SPAG16: variants seen among roughly 807,000 people sequenced by gnomAD.
SPAG16 encodes the protein sperm-associated antigen 16 protein.
A neutral mutation model predicts 80.4 loss-of-function variants in SPAG16; 86 were observed. The ratio of observed to expected loss-of-function variants is 1.07; its 90% CI spans 0.90 to 1.28. The LOEUF is 1.28. SPAG16 is among the 50% of genes most tolerant of loss of function. SPAG16 has a pLI of 0.00. For missense variants in SPAG16, 870 were observed against 765.3 expected (o/e 1.14, Z -1.61); for synonymous variants, 294 against 265.9 (o/e 1.11, Z -1.03).
chr2:213,827,105 G>A (rs903976955), intron 10 of SPAG16, among the ~76,000 whole-genome samples: 7 of 151,626 alleles, frequency 4.6e-5, no homozygotes, highest in African/African-American at 7.3e-5. Context: ...TTTCTTATAG[G>A]CAACAGATTA....
chr2:213,752,729 C>T (rs2068134735), intron 10 of SPAG16, among the ~76,000 whole-genome samples: 1 of 152,162 alleles, frequency 6.6e-6, no homozygotes, highest in Admixed American at 6.5e-5. Flanking sequence ...TAAAACACAA[C>T]TAATTATACT....
At chr2:213,374,291 C>CATCT (rs1349809213) in intron 8 of SPAG16, among the ~76,000 whole-genome samples, 1 of 152,112 alleles carries the variant, frequency 6.6e-6, no homozygotes, top group Non-Finnish European at 1.5e-5. Context: ...CTTTGTTCAT[C>CATCT]ATCTTTTCTC....
At chr2:213,529,830 T>C (rs2076010314) in intron 10 of SPAG16, among the ~76,000 whole-genome samples, 1 of 152,256 alleles carries the variant, frequency 6.6e-6, no homozygotes, top group Non-Finnish European at 1.5e-5. Context: ...ATATTTTCTT[T>C]CTTTATATCC....
chr2:213,650,034 C>T (rs10197286), intron 10 of SPAG16, among the ~76,000 whole-genome samples: 53,453 of 151,716 alleles, frequency 0.35, 9,800 homozygotes, highest in Middle Eastern at 0.5. Context: ...AAGAAGTTCT[C>T]GAATTTTATT....
intron 11 of SPAG16, among the ~76,000 whole-genome samples, chr2:213,896,645 TTA>T (rs906022832): frequency 5.9e-5 from 8 of 135,220 alleles, no homozygotes; most frequent in African/African-American, 2.0e-4. Context: ...TGATATTCTA[TTA>T]TGTGTGTGTT....
chr2:214,143,475 A>G (rs563664377), intron 14 of SPAG16, among the ~76,000 whole-genome samples: 1 of 152,232 alleles, frequency 6.6e-6, no homozygotes, highest in African/African-American at 2.4e-5. Flanking sequence ...TTGACTCATC[A>G]TATAGTTGTG....
chr2:213,899,678 C>A (rs2077139143), intron 11 of SPAG16, among the ~76,000 whole-genome samples: 1 of 152,040 alleles, frequency 6.6e-6, no homozygotes, highest in Non-Finnish European at 1.5e-5. Context: ...GAAACAGAGG[C>A]ACTATTGCTT....
At chr2:213,802,597 A>G (rs1407678255) in intron 10 of SPAG16, among the ~76,000 whole-genome samples, 2 of 152,212 alleles carry the variant, frequency 1.3e-5, no homozygotes, top group Admixed American at 6.5e-5. Flanking sequence ...AATTCTGAAG[A>G]CAAAGACCAT....
intron 10 of SPAG16, among the ~76,000 whole-genome samples, chr2:213,760,558 AAC>A (rs1232665308): frequency 2.0e-5 from 3 of 152,228 alleles, no homozygotes; most frequent in African/African-American, 7.2e-5. Flanking sequence ...TTAAAAAAAA[AAC>A]AATTAGACCT....
At chr2:213,642,670 A>C (rs2062636175) in intron 10 of SPAG16, among the ~76,000 whole-genome samples, 1 of 59,704 alleles carries the variant, frequency 1.7e-5, no homozygotes, top group Non-Finnish European at 3.3e-5. Context: ...AAATACAAAA[A>C]ATTAGCCGGG....
intron 15 of SPAG16, among the ~76,000 whole-genome samples, chr2:214,375,293 G>T (rs1700060146): frequency 6.6e-6 from 1 of 152,158 alleles, no homozygotes; most frequent in Non-Finnish European, 1.5e-5. Flanking sequence ...AGAAAATGTG[G>T]AAGTTGAAGT....
intron 15 of SPAG16, among the ~76,000 whole-genome samples, chr2:214,318,922 A>G (rs1318341495): frequency 6.6e-6 from 1 of 152,160 alleles, no homozygotes; most frequent in Non-Finnish European, 1.5e-5. Context: ...ATGAGCAACT[A>G]AAAGATGCTA....
intron 10 of SPAG16, among the ~76,000 whole-genome samples, chr2:213,680,599 T>C (rs2064330904): frequency 6.6e-6 from 1 of 152,190 alleles, no homozygotes; most frequent in South Asian, 2.1e-4. Context: ...CGAATATGTG[T>C]AGAGCATCCT....
chr2:213,969,332 ATGGC>A lies in SPAG16; in HGVS notation c.1400+39188_1400+39191del, dbSNP rs368880180. Among the ~76,000 whole-genome samples the A allele has an allele frequency of 1.6e-4, 24 of 152,306 alleles. 1 individual carries two copies. The highest frequency in any genetic ancestry group is 5.3e-4 in the African/African-American group (22 of 41,580). On this transcript the variant is annotated intron_variant, in intron 12 of 15. Transcript: ENST00000331683. Reference sequence around the variant, plus strand: ...TTACATATTTTTGACTTAATATCAAATGGCAATAGGAGGTGCCGGGTGGTTAATC... The same window carrying A: ...TTACATATTTTTGACTTAATATCAAAAATAGGAGGTGCCGGGTGGTTAATC...
intron 10 of SPAG16, among the ~76,000 whole-genome samples, chr2:213,606,922 T>C (rs937484812): frequency 8.5e-5 from 13 of 152,064 alleles, no homozygotes; most frequent in Non-Finnish European, 4.4e-5. Flanking sequence ...TGGGTAAAAA[T>C]AAAAGGATGG....
intron 13 of SPAG16, among the ~76,000 whole-genome samples, chr2:214,103,633 A>G (rs1462263194): frequency 6.6e-6 from 1 of 152,192 alleles, no homozygotes; most frequent in African/African-American, 2.4e-5. Flanking sequence ...CATTCCAGGC[A>G]GTTAGAAAAC....
chr2:213,624,029 C>T (rs867860457), intron 10 of SPAG16, among the ~76,000 whole-genome samples: 2 of 152,004 alleles, frequency 1.3e-5, no homozygotes, highest in East Asian at 1.9e-4. Flanking sequence ...AAATAAACTA[C>T]ACTATAACAT....
chr2:213,516,397 C>T (rs971008119), intron 10 of SPAG16, among the ~76,000 whole-genome samples: 5 of 121,444 alleles, frequency 4.1e-5, no homozygotes, highest in Admixed American at 7.9e-5. Context: ...AACATTTTAT[C>T]TTTTTCTTAA....
At chr2:213,294,030 T>C (rs1341801865) in intron 1 of SPAG16, among the ~76,000 whole-genome samples, 1 of 152,224 alleles carries the variant, frequency 6.6e-6, no homozygotes, top group East Asian at 1.9e-4. Flanking sequence ...CTCCATAAAT[T>C]CTTCATCTTA....
Sources: allele counts gnomAD v4.1 joint callset (sites outside exome capture counted in the v4.1 genomes callset), GRCh38; gene constraint gnomAD v4.1.1; transcripts MANE v1.5; gene names NCBI Gene and HGNC (gene_info 2026-07-23, HGNC 2026-07-21).